FBXO41: variants seen among roughly 807,000 people sequenced by gnomAD.
The protein encoded by FBXO41 is F-box only protein 41.
Under a neutral mutation model 81.6 loss-of-function variants are expected in FBXO41, and 33 were observed. That is an observed-to-expected ratio of 0.40 (90% CI 0.31 to 0.54). The LOEUF is 0.54. FBXO41 is among the 20% of genes least tolerant of loss of function. FBXO41 has a pLI of 0.39. For missense variants in FBXO41, 1,107 were observed against 1,236.0 expected (o/e 0.90, Z 1.56); for synonymous variants, 576 against 552.7 (o/e 1.04, Z -0.59).
Position 73,269,499 on chromosome 2 carries a change from G to A in FBXO41, c.132C>T (p.Thr44=). The A allele has an allele frequency of 7.6e-7, 1 of 1,314,664 alleles. No homozygotes were observed. Among genetic ancestry groups the A allele is most frequent in the Non-Finnish European group, 9.8e-7 (1 of 1,023,906 alleles). The allele number at this position is 1,314,664 out of a possible 1,614,324, so 81.4% of individuals were successfully genotyped here. ...TYETLYILSK[T]NSICDGAAAA... is the part of the protein sequence containing the mutation. Reference sequence around the variant, plus strand: ...CGGCGGCGCCGTCGCAGATGCTGTTGGTCTTGGAGAGGATGTAGAGCGTCT... The same window carrying A: ...CGGCGGCGCCGTCGCAGATGCTGTTAGTCTTGGAGAGGATGTAGAGCGTCT... The change falls in exon 2 of 13, where the codon ACC becomes ACT. Residue 44 remains threonine (T), a synonymous_variant. Coordinates refer to ENST00000520530, the MANE Select transcript of FBXO41 (RefSeq NM_001371389.2). This position sits in a 1 kb window ranked among gnomAD's most constrained non-coding sequence, Gnocchi z 7.0.
intron 1 of FBXO41, among the ~76,000 whole-genome samples, chr2:73,273,311 A>G (rs1330888639): frequency 6.6e-6 from 1 of 151,326 alleles, no homozygotes; most frequent in African/African-American, 2.4e-5. Context: ...AAACAGGAAA[A>G]TATTTTTTAA....
chr2:73,279,435 G>A (rs1023740925), intron 1 of FBXO41, among the ~76,000 whole-genome samples: 1 of 152,178 alleles, frequency 6.6e-6, no homozygotes, highest in Non-Finnish European at 1.5e-5. Flanking sequence ...CAAGGGAGAG[G>A]GCTCAGAGAG....
Position 73,260,316 on chromosome 2 carries a change from G to A in FBXO41, c.2449+73C>T. The A allele has an allele frequency of 6.5e-7, 1 of 1,533,626 alleles. No homozygotes were observed. Among genetic ancestry groups the A allele is most frequent in the South Asian group, 1.2e-5 (1 of 80,918 alleles). On this transcript the variant is annotated intron_variant, in intron 11 of 12. Transcript: ENST00000520530. This position sits in a 1 kb window ranked among gnomAD's most constrained non-coding sequence, Gnocchi z 5.0. ...CTCTGATCCATCTGCCCCAGTGATA[G>A]TTAGGATACCTGCTGACAGGGCCCC...
intron 2 of FBXO41, 145 bp downstream of exon 2, chr2:73,268,581 C>T: frequency 1.3e-6 from 1 of 748,082 alleles, no homozygotes; most frequent in Non-Finnish European, 2.1e-6. Context: ...ACACTCTTGG[C>T]CCCACATGCA....
intron 1 of FBXO41, among the ~76,000 whole-genome samples, chr2:73,272,823 A>G (rs1688579637): frequency 6.6e-6 from 1 of 152,210 alleles, no homozygotes; most frequent in Non-Finnish European, 1.5e-5. Flanking sequence ...GGGATAACCA[A>G]ATGCAAACTG....
intron 4 of FBXO41, 114 bp downstream of exon 4, chr2:73,265,779 C>G (rs1304449652): frequency 1.4e-6 from 2 of 1,438,244 alleles, no homozygotes; most frequent in Admixed American, 2.2e-5. Context: ...GAAAGGCAGA[C>G]ATACGTGACC....
chr2:73,269,373 G>A lies in FBXO41; in HGVS notation c.258C>T (p.Ser86=). The A allele has an allele frequency of 2.0e-6, 3 of 1,504,578 alleles. No homozygotes were observed. The highest frequency in any genetic ancestry group is 2.7e-6 in the Non-Finnish European group (3 of 1,129,882). The allele number at this position is 1,504,578 out of a possible 1,614,324, so 93.2% of individuals were successfully genotyped here. ...CCTGCTCCTTGCCCTGGAAGGAAGT[G>A]CTCTCGAAGACCTCTCGCCGGGCGC... ...VPGARREVFE[S]TSFQGKEQAA... Residue 86 remains serine, a synonymous_variant, in exon 2 of 13, where the codon AGC becomes AGT. Transcript: ENST00000520530. This position sits in a 1 kb window ranked among gnomAD's most constrained non-coding sequence, Gnocchi z 7.0.
chr2:73,264,137 C>A lies in FBXO41; in HGVS notation c.1807-84G>T, dbSNP rs996797537. The A allele has an allele frequency of 3.9e-6, 6 of 1,550,962 alleles. No homozygotes were observed. The African/African-American group carries it at 6.8e-5, about 18-fold the overall frequency. On this transcript the variant is annotated intron_variant, in intron 6 of 12. Coordinates refer to ENST00000520530, the MANE Select transcript of FBXO41 (RefSeq NM_001371389.2). The stretch of plus-strand genomic sequence containing the variant: ...GTGGGCCAGCCCCAGGATAGAAGGC[C>A]CCATGAGAGCATTTCAGGGAAGCCA...
intron 1 of FBXO41, among the ~76,000 whole-genome samples, chr2:73,281,483 G>C (rs1688845824): frequency 6.6e-6 from 1 of 152,208 alleles, no homozygotes; most frequent in African/African-American, 2.4e-5. Context: ...CATGTGACTT[G>C]CTTTGGCCAA....
At chr2:73,283,444 A>T (rs944636010) in intron 1 of FBXO41, among the ~76,000 whole-genome samples, 1 of 152,174 alleles carries the variant, frequency 6.6e-6, no homozygotes, top group Non-Finnish European at 1.5e-5. Context: ...CCAAGGTCAC[A>T]CACAGGCTCC....
At chr2:73,264,604 A>G in intron 5 of FBXO41, 85 bp from the exon 6 acceptor site, 3 of 1,565,626 alleles carry the variant, frequency 1.9e-6, no homozygotes, top group Non-Finnish European at 1.7e-6. Context: ...GCAGGGTAGG[A>G]TCTGCAGAGG....
chr2:73,262,459 TG>T (rs570863211), intron 9 of FBXO41, among the ~76,000 whole-genome samples: 3 of 152,338 alleles, frequency 2.0e-5, no homozygotes, highest in Admixed American at 2.0e-4. Context: ...TTTCATAACC[TG>T]GATTCTCCAA....
rs1688432194 is a variant in FBXO41 at position 73,269,762 on chromosome 2, G to T, written c.-132C>A. On this transcript the variant is annotated 5_prime_UTR_variant, in exon 2 of 13. Transcript: ENST00000520530. This position sits in a 1 kb window ranked among gnomAD's most constrained non-coding sequence, Gnocchi z 7.0. ...GCTCAGGGCGCCCGCGGCCTGGGGC[G>T]AGGAGGCTGGAAGAGACGCGATGAG... 3 of 439,416 alleles carry T rather than the reference G, an allele frequency of 6.8e-6. No homozygotes were observed. Among genetic ancestry groups the T allele is most frequent in the Non-Finnish European group, 9.7e-6 (3 of 308,744 alleles). The allele number at this position is 439,416 out of a possible 1,614,324, so 27.2% of individuals were successfully genotyped here.
In FBXO41 at chr2:73,271,356, G is replaced by A. The variant is rs555005586; in HGVS notation, c.-138-1588C>T. Reference sequence around the variant, plus strand: ...ATGACATAGACCTGGCAAATCAGTCGTGGGGTAAACATAGAGCACCAAAGT... The same window carrying A: ...ATGACATAGACCTGGCAAATCAGTCATGGGGTAAACATAGAGCACCAAAGT... On this transcript the variant is annotated intron_variant, in intron 1 of 12. Coordinates refer to ENST00000520530, the MANE Select transcript of FBXO41 (RefSeq NM_001371389.2). The A allele has an allele frequency of 2.2e-5, 4 of 185,460 alleles. No individual in the cohort carries two copies. The South Asian group carries it at 3.5e-4, about 16-fold the overall frequency. 11.5% of individuals were successfully genotyped at this position (185,460 alleles called of 1,614,324 possible). A position where few individuals can be genotyped will look rare whatever the true frequency, so the allele number is the denominator to read the frequency against.
At chr2:73,282,066 C>T (rs1688864012) in intron 1 of FBXO41, among the ~76,000 whole-genome samples, 1 of 152,190 alleles carries the variant, frequency 6.6e-6, no homozygotes, top group Admixed American at 6.5e-5. Flanking sequence ...ATGATCTTGG[C>T]TCACCCCAAC....
In FBXO41 at chr2:73,265,942, C is replaced by T. The variant is rs749679533; in HGVS notation, c.1156G>A (p.Val386Met). Residue 386 changes from valine to methionine, a missense_variant, in exon 4 of 13, where the codon GTG becomes ATG. Coordinates refer to ENST00000520530, the MANE Select transcript of FBXO41 (RefSeq NM_001371389.2). ...CGTGACACTGCATATGTGTTAGGCACGGCCGGGCCCACGTGGTGTTCTCGC... is the reference window on the plus strand; with the variant it reads ...CGTGACACTGCATATGTGTTAGGCATGGCCGGGCCCACGTGGTGTTCTCGC... The part of the protein sequence containing the change: ...RMREHHVGPA[V>M]PNTYAVSRHG... 5.8e-5 allele frequency: 92 copies of T among 1,581,994 alleles called. No individual in the cohort carries two copies. The highest frequency in any genetic ancestry group is 1.2e-4 in the East Asian group (5 of 43,386).
In FBXO41 at chr2:73,263,736, C is replaced by G; in HGVS notation, c.2017G>C (p.Asp673His). ...RISHCPNILT[D>H]RSLWLASCYC... ...CAGCTGGCCAGCCAGAGCGAGCGGT[C>G]GGTGAGGATGTTTGGACAGTGGGAG... The change falls in exon 8 of 13, where the codon GAC becomes CAC. Residue 673 changes from aspartate to histidine, a missense_variant. Transcript: ENST00000520530. 1 of 1,613,930 alleles carries G rather than the reference C, an allele frequency of 6.2e-7. No homozygotes were observed. The highest frequency in any genetic ancestry group is 8.5e-7 in the Non-Finnish European group (1 of 1,179,898).
Position 73,269,785 on chromosome 2 carries a change from G to T in FBXO41, c.-138-17C>A. Reference sequence around the variant, plus strand: ...GCGAGGAGGCTGGAAGAGACGCGATGAGTCTTAGGAAGAGGGTATCGCTGC... The same window carrying T: ...GCGAGGAGGCTGGAAGAGACGCGATTAGTCTTAGGAAGAGGGTATCGCTGC... On this transcript the variant is annotated splice_polypyrimidine_tract_variant and intron_variant, in intron 1 of 12. Transcript: ENST00000520530. This position sits in a 1 kb window ranked among gnomAD's most constrained non-coding sequence, Gnocchi z 7.0. 3.4e-6 allele frequency: 1 copy of T among 294,684 alleles called. No individual in the cohort carries two copies. Among genetic ancestry groups the T allele is most frequent in the Non-Finnish European group, 5.6e-6 (1 of 179,376 alleles). 18.3% of individuals were successfully genotyped at this position (294,684 alleles called of 1,614,324 possible).
Position 73,266,334 on chromosome 2 carries a change from G to A in FBXO41, c.1131+123C>T. On this transcript the variant is annotated intron_variant, in intron 3 of 12. Transcript: ENST00000520530. The surrounding 1 kb of genome is among the most constrained non-coding windows in gnomAD (Gnocchi z 5.3). ...GCTCCCCTGTTCCTGGCATCTGCTGGTGGGGTAAAAGCCAAAGAAGGGGCG... is the reference window on the plus strand; with the variant it reads ...GCTCCCCTGTTCCTGGCATCTGCTGATGGGGTAAAAGCCAAAGAAGGGGCG... 3 of 1,182,084 alleles carry A rather than the reference G, an allele frequency of 2.5e-6. No homozygotes were observed. The highest frequency in any genetic ancestry group is 3.5e-6 in the Non-Finnish European group (3 of 861,930). The allele number at this position is 1,182,084 out of a possible 1,614,324, so 73.2% of individuals were successfully genotyped here. A position where few individuals can be genotyped will look rare whatever the true frequency, so the allele number is the denominator to read the frequency against.
Sources: gnomAD v4.1 joint callset for allele counts (sites outside exome capture counted in the v4.1 genomes callset) on GRCh38, gnomAD v4.1.1 for gene constraint, Gnocchi (gnomAD v3.1) non-coding constraint, MANE v1.5 for transcripts, NCBI Gene and HGNC (gene_info 2026-07-23, HGNC 2026-07-21) for gene names.